LRP1B: variants seen among roughly 807,000 people sequenced by gnomAD.
LRP1B encodes the protein low-density lipoprotein receptor-related protein 1B.
LRP1B carries 217 observed loss-of-function variants against 556.6 expected under a neutral mutation model. That is an observed-to-expected ratio of 0.39 (90% confidence interval 0.35 to 0.44). The LOEUF is 0.44. Among genes scored for constraint, LRP1B ranks in the 20% least tolerant of loss-of-function variants. The pLI is 1.00. For missense variants in LRP1B, 5,053 were observed against 5,620.8 expected (o/e 0.90, Z 3.23); for synonymous variants, 2,047 against 1,865.8 (o/e 1.10, Z -2.50).
chr2:141,220,448 C>A (rs1022361000), intron 6 of LRP1B, among the ~76,000 whole-genome samples: 1 of 151,866 alleles, frequency 6.6e-6, no homozygotes, highest in Non-Finnish European at 1.5e-5. Flanking sequence ...ATGACTGATG[C>A]GGTACCTGAA....
intron 20 of LRP1B, among the ~76,000 whole-genome samples, chr2:140,936,568 AAAT>A (rs1349485391): frequency 6.6e-6 from 1 of 152,012 alleles, no homozygotes; most frequent in Non-Finnish European, 1.5e-5. Context: ...AATGAAAGGA[AAAT>A]AGAGAGTAAC....
rs752692669 is a variant in LRP1B, at chr2:140,475,303, G to A, written c.9460C>T (p.His3154Tyr). 2 of 1,608,030 alleles carry A rather than the reference G, an allele frequency of 1.2e-6. No homozygotes were observed. The highest frequency in any genetic ancestry group is 1.3e-5 in the African/African-American group (1 of 74,700). ...LYWIDCCEYP[H>Y]IGRVGMDGTN... ...CCATCCATTCCAACACGGCCAATAT[G>A]AGGATACTCGCAGCAGTCAATCCAA... is the stretch of plus-strand genomic sequence containing the variant. The change falls in exon 60 of 91, where the codon CAT becomes TAT. Residue 3154 changes from histidine (H) to tyrosine (Y), a missense_variant. Physicochemically the swap from His to Tyr is moderately conservative, Grantham distance 83 (BLOSUM62 2). This residue lies in a region of LRP1B where 3,619 missense variants were observed against 3,931.9 expected (regional missense o/e 0.92). Coordinates refer to ENST00000389484, the MANE Select transcript of LRP1B (RefSeq NM_018557.3).
intron 1 of LRP1B, among the ~76,000 whole-genome samples, chr2:141,999,021 C>T (rs1386180159): frequency 6.6e-6 from 1 of 152,118 alleles, no homozygotes; most frequent in Non-Finnish European, 1.5e-5. Context: ...TCGGCCATTT[C>T]AAAACATGTC....
intron 11 of LRP1B, among the ~76,000 whole-genome samples, chr2:141,035,056 A>G (rs1423150089): frequency 2.6e-5 from 4 of 152,078 alleles, no homozygotes; most frequent in Non-Finnish European, 5.9e-5. Flanking sequence ...TGTCCTTTGT[A>G]GGGACATGGA....
intron 1 of LRP1B, among the ~76,000 whole-genome samples, chr2:142,031,184 T>G (rs905053538): frequency 2.0e-5 from 3 of 151,742 alleles, no homozygotes; most frequent in African/African-American, 7.3e-5. Flanking sequence ...TCTTTCTTCT[T>G]GTGTGTGTGT....
At chr2:140,438,155 T>C (rs563837055) in intron 66 of LRP1B, among the ~76,000 whole-genome samples, 25 of 152,220 alleles carry the variant, frequency 1.6e-4, no homozygotes, top group South Asian at 1.0e-3. Context: ...GAGCTGACAC[T>C]GCAGGTGCTA....
At chr2:142,080,184 A>T (rs1356733238) in intron 1 of LRP1B, among the ~76,000 whole-genome samples, 1 of 152,156 alleles carries the variant, frequency 6.6e-6, no homozygotes. Context: ...TGTTCTGGGA[A>T]AACTGCTGCT....
intron 2 of LRP1B, among the ~76,000 whole-genome samples, chr2:141,704,777 C>T (rs1330783867): frequency 1.3e-5 from 2 of 151,932 alleles, no homozygotes; most frequent in Non-Finnish European, 2.9e-5. Flanking sequence ...CCCATATCTT[C>T]CCATGTCATC....
chr2:141,509,243 T>C (rs1684036481), intron 2 of LRP1B, among the ~76,000 whole-genome samples: 2 of 152,160 alleles, frequency 1.3e-5, no homozygotes, highest in Admixed American at 1.3e-4. Context: ...ACATTAATAT[T>C]TCACTTAAAG....
At chr2:141,207,670 T>C (rs1256811464) in intron 6 of LRP1B, among the ~76,000 whole-genome samples, 1 of 148,120 alleles carries the variant, frequency 6.8e-6, no homozygotes, top group African/African-American at 2.6e-5. Context: ...TTTGTTTTTG[T>C]TTTTGTTTTT....
At chr2:141,894,873 A>G (rs1320936221) in intron 1 of LRP1B, among the ~76,000 whole-genome samples, 1 of 151,744 alleles carries the variant, frequency 6.6e-6, no homozygotes, top group Non-Finnish European at 1.5e-5. Flanking sequence ...AATATGGAGA[A>G]ACCCTGTCTC....
intron 43 of LRP1B, among the ~76,000 whole-genome samples, chr2:140,590,263 T>C (rs996277396): frequency 2.0e-5 from 3 of 147,998 alleles, no homozygotes; most frequent in African/African-American, 7.4e-5. Context: ...TAATATATAA[T>C]GTATATATGT....
chr2:140,701,940 G>A, intron 39 of LRP1B, 95 bp from the exon 40 acceptor site: 1 of 1,511,110 alleles, frequency 6.6e-7, no homozygotes. Flanking sequence ...ACCAACAGAA[G>A]GGAAAGAAAC....
intron 11 of LRP1B, among the ~76,000 whole-genome samples, chr2:141,045,324 G>T (rs1017300651): frequency 6.6e-6 from 1 of 150,458 alleles, no homozygotes; most frequent in Non-Finnish European, 1.5e-5. Flanking sequence ...AATGCTAGAT[G>T]ACGAGATAGT....
At chr2:141,824,782 A>G (rs1249478105) in intron 1 of LRP1B, among the ~76,000 whole-genome samples, 1 of 152,194 alleles carries the variant, frequency 6.6e-6, no homozygotes, top group Non-Finnish European at 1.5e-5. Flanking sequence ...TTAAAAATCC[A>G]TGTATGTGAG....
chr2:141,618,956 G>A (rs568802821), intron 2 of LRP1B, among the ~76,000 whole-genome samples: 3 of 152,246 alleles, frequency 2.0e-5, no homozygotes, highest in South Asian at 2.1e-4. Context: ...ACAAACTTAC[G>A]GAGTTCAAGT....
At chr2:141,975,294 TTTTG>T (rs1461624350) in intron 1 of LRP1B, among the ~76,000 whole-genome samples, 1 of 152,044 alleles carries the variant, frequency 6.6e-6, no homozygotes, top group African/African-American at 2.4e-5. Flanking sequence ...GGAATAACAG[TTTTG>T]TTTGAGTGTA....
At chr2:140,529,666 T>C (rs1262123315) in intron 47 of LRP1B, among the ~76,000 whole-genome samples, 1 of 152,030 alleles carries the variant, frequency 6.6e-6, no homozygotes, top group Admixed American at 6.6e-5. Flanking sequence ...TTCCTCTCCT[T>C]TAGGGAGGAT....
chr2:140,955,180 C>T (rs79167611), intron 18 of LRP1B, among the ~76,000 whole-genome samples: 35 of 151,846 alleles, frequency 2.3e-4, no homozygotes, highest in African/African-American at 7.7e-4. Flanking sequence ...GAATAACTCC[C>T]GGGGTTTTCA....
Sources: gnomAD v4.1 joint callset for allele counts (sites outside exome capture counted in the v4.1 genomes callset) on GRCh38, gnomAD v4.1.1 for gene constraint, gnomAD v4.1.1 regional missense constraint, MANE v1.5 for transcripts, NCBI Gene and HGNC (gene_info 2026-07-23, HGNC 2026-07-21) for gene names.